Variants in ADAMTSL1 observed in about 807,000 individuals in gnomAD.
ADAMTSL1 encodes ADAMTS like 1.
A neutral mutation model predicts 201.8 loss-of-function variants in ADAMTSL1; 126 were observed. The ratio of observed to expected loss-of-function variants is 0.62; its 90% CI spans 0.54 to 0.72. The LOEUF is 0.72. Among genes scored for constraint, ADAMTSL1 ranks in the 30% least tolerant of loss-of-function variants. The pLI is 0.00. For missense variants in ADAMTSL1, 2,679 were observed against 2,277.8 expected (o/e 1.18, Z -3.59); for synonymous variants, 1,121 against 903.4 (o/e 1.24, Z -4.32).
intron 15 of ADAMTSL1, among the ~76,000 whole-genome samples, chr9:18,743,108 T>C (rs1030041826): frequency 6.6e-6 from 1 of 152,192 alleles, no homozygotes; most frequent in Non-Finnish European, 1.5e-5. Flanking sequence ...CTCATTTTAA[T>C]GTGCTATCAC....
intron 1 of ADAMTSL1, among the ~76,000 whole-genome samples, chr9:18,163,296 G>A (rs916709251): frequency 6.6e-6 from 1 of 152,010 alleles, no homozygotes; most frequent in Non-Finnish European, 1.5e-5. Flanking sequence ...AAGATAACCT[G>A]TGTAAAGAAC....
intron 1 of ADAMTSL1, among the ~76,000 whole-genome samples, chr9:18,074,561 C>CTTTTTTTTTT (rs138619215): frequency 7.6e-6 from 1 of 131,340 alleles, no homozygotes. Context: ...CTTCTCTTTT[C>CTTTTTTTTTT]TTTTTTTTTT....
intron 23 of ADAMTSL1, among the ~76,000 whole-genome samples, chr9:18,852,960 C>A: frequency 6.6e-6 from 1 of 152,170 alleles, no homozygotes; most frequent in Non-Finnish European, 1.5e-5. Flanking sequence ...AGATTCTGGA[C>A]CACTTGTGAA....
At chr9:18,469,024 A>G (rs1821108661) in intron 2 of ADAMTSL1, among the ~76,000 whole-genome samples, 1 of 152,244 alleles carries the variant, frequency 6.6e-6, no homozygotes, top group Admixed American at 6.5e-5. Flanking sequence ...GTAGTGAATC[A>G]GATTGAGTAA....
At chr9:18,001,859 A>G (rs1204482770) in intron 1 of ADAMTSL1, among the ~76,000 whole-genome samples, 1 of 151,960 alleles carries the variant, frequency 6.6e-6, no homozygotes, top group African/African-American at 2.4e-5. Context: ...GCCAGTGGTG[A>G]GCTGGTAAAG....
At chr9:18,431,207 A>G (rs1275102878) in intron 2 of ADAMTSL1, among the ~76,000 whole-genome samples, 1 of 152,162 alleles carries the variant, frequency 6.6e-6, no homozygotes, top group African/African-American at 2.4e-5. Flanking sequence ...AGGTTCAGAA[A>G]TGCCCCAGAG....
chr9:18,602,039 T>C (rs895831476), intron 4 of ADAMTSL1, among the ~76,000 whole-genome samples: 2 of 152,202 alleles, frequency 1.3e-5, no homozygotes, highest in African/African-American at 2.4e-5. Flanking sequence ...TCGTGATTGT[T>C]AGCAATTGTA....
chr9:18,249,410 A>G (rs1831380758), intron 2 of ADAMTSL1, among the ~76,000 whole-genome samples: 1 of 152,208 alleles, frequency 6.6e-6, no homozygotes, highest in African/African-American at 2.4e-5. Flanking sequence ...AAAATACTTC[A>G]AACCTACAGA....
intron 2 of ADAMTSL1, among the ~76,000 whole-genome samples, chr9:18,444,345 A>G (rs1041829278): frequency 6.6e-6 from 1 of 152,160 alleles, no homozygotes; most frequent in Non-Finnish European, 1.5e-5. Context: ...GGATGAGGCC[A>G]TTGGAGCTCA....
chr9:18,889,782 A>G (rs1440845399), intron 25 of ADAMTSL1, 34 bp downstream of exon 25: 1 of 1,409,998 alleles, frequency 7.1e-7, no homozygotes, highest in Non-Finnish European at 9.2e-7. Flanking sequence ...AGACCTCCCC[A>G]CCCTAGGAGG....
At chr9:17,928,216 C>G (rs956007434) in intron 1 of ADAMTSL1, among the ~76,000 whole-genome samples, 2 of 152,038 alleles carry the variant, frequency 1.3e-5, no homozygotes, top group Non-Finnish European at 2.9e-5. Context: ...TCAGGCTGGT[C>G]TCAAACTCCC....
chr9:18,474,993 T>G (rs1424888452), intron 1 of ADAMTSL1, among the ~76,000 whole-genome samples: 1 of 152,216 alleles, frequency 6.6e-6, no homozygotes, highest in Non-Finnish European at 1.5e-5. Context: ...CATTTTTGAC[T>G]CGAAGTAAAT....
chr9:18,503,247 A>C (rs1333790781), intron 1 of ADAMTSL1, among the ~76,000 whole-genome samples: 4 of 151,764 alleles, frequency 2.6e-5, no homozygotes, highest in African/African-American at 9.7e-5. Flanking sequence ...ACAGACACAG[A>C]CATTTCTGTG....
intron 1 of ADAMTSL1, among the ~76,000 whole-genome samples, chr9:17,918,456 T>A (rs1388343790): frequency 2.0e-5 from 3 of 152,028 alleles, no homozygotes; most frequent in South Asian, 2.1e-4. Flanking sequence ...TATCTTTGTG[T>A]TATTGATTTC....
In ADAMTSL1 at chr9:18,145,145, T is replaced by A. The variant is rs372399230; in HGVS notation, c.88-18717T>A. Among the ~76,000 whole-genome samples, 11 of 152,288 alleles carry A rather than the reference T, an allele frequency of 7.2e-5. No individual in the cohort carries two copies. The East Asian group carries it at 7.7e-4, about 11-fold the overall frequency. On this transcript the variant is annotated intron_variant, in intron 1 of 29. Coordinates refer to the ADAMTSL1 transcript ENST00000680146. ...GAGGTGAAACAACTCTTAGTGGCAT[T>A]TATATGTTAAAAGTAGACTGTTGAG...
At position 18,789,391 on chromosome 9, in the gene ADAMTSL1, A is replaced by G. The variant is rs114695603; in HGVS notation, c.3678-6006A>G. ...TTAAGTAAATTACTTGCCCAAGGCT[A>G]CAGAGCTGCTAAGTGGCAAAGCGGG... On this transcript the variant is annotated intron_variant, in intron 19 of 28. Transcript: ENST00000380548. Among the ~76,000 whole-genome samples, 951 of 152,310 alleles carry G rather than the reference A, an allele frequency of 6.2e-3. 5 individuals carry two copies. The highest frequency in any genetic ancestry group is 0.022 in the African/African-American group (910 of 41,568).
intron 21 of ADAMTSL1, among the ~76,000 whole-genome samples, chr9:18,823,201 G>C (rs945204957): frequency 6.6e-6 from 1 of 152,134 alleles, no homozygotes; most frequent in African/African-American, 2.4e-5. Context: ...ATCTGAGAGA[G>C]GTTTGCCAGT....
rs184553293 is a variant in ADAMTSL1 at position 18,641,634 on chromosome 9, T to C, written c.834+2223T>C. 8.4e-3 allele frequency among the ~76,000 whole-genome samples: 1,278 copies of C among 152,186 alleles called. 19 individuals are homozygous for C. Among genetic ancestry groups the C allele is most frequent in the Non-Finnish European group, 9.2e-3 (625 of 67,960 alleles). On this transcript the variant is annotated intron_variant, in intron 7 of 28. Transcript: ENST00000380548. ...TGTAAAGTTATTCTAAGATAGATTA[T>C]GTAATTCTTAAATTAGTTTGCTTAA...
intron 20 of ADAMTSL1, among the ~76,000 whole-genome samples, chr9:18,811,012 C>CAAAAAAA (rs76456235): frequency 1.9e-3 from 73 of 38,744 alleles, no homozygotes; most frequent in East Asian, 3.0e-3. Context: ...CAATGAGTAC[C>CAAAAAAA]AAAAAAAAAA....
Sources: allele counts gnomAD v4.1 joint callset (sites outside exome capture counted in the v4.1 genomes callset), GRCh38; gene constraint gnomAD v4.1.1; transcripts MANE v1.5; gene names NCBI Gene and HGNC (gene_info 2026-07-23, HGNC 2026-07-21).